TNFSF4: variants seen among roughly 807,000 people sequenced by gnomAD.
TNFSF4 encodes the protein TNF superfamily member 4.
In TNFSF4, 4 loss-of-function variants were observed where a neutral mutation model predicts 7.3. The ratio of observed to expected loss-of-function variants is 0.55; its 90% confidence interval spans 0.27 to 1.25. The LOEUF is 1.25. Among genes scored for constraint, TNFSF4 ranks in the 50% most tolerant of loss-of-function variants. The probability of loss-of-function intolerance (pLI) is 0.12; values close to 1 mark genes in which losing one functional copy is unlikely to be tolerated. For synonymous variants in TNFSF4, 76 were observed against 83.7 expected, an observed-to-expected ratio of 0.91 and a Z score of 0.50; for missense variants, 181 against 208.8, an observed-to-expected ratio of 0.87 and a Z score of 0.82.
chr1:173,228,579 G>T, the TNFSF4 span, among the ~76,000 whole-genome samples: 1 of 152,188 alleles, frequency 6.6e-6, no homozygotes, highest in East Asian at 1.9e-4. Flanking sequence ...GCTGGACGGA[G>T]AATGACTTTG....
At chr1:173,187,374 C>G (rs1649276969) in intron 2 of TNFSF4, among the ~76,000 whole-genome samples, 1 of 152,242 alleles carries the variant, frequency 6.6e-6, no homozygotes, top group Non-Finnish European at 1.5e-5. Context: ...GCCCTGCACA[C>G]TACCCATACT....
the TNFSF4 span, among the ~76,000 whole-genome samples, chr1:173,419,915 G>C: frequency 6.6e-6 from 1 of 151,998 alleles, no homozygotes; most frequent in Admixed American, 6.5e-5. Flanking sequence ...CGGGGGGGGG[G>C]ATGAGAGGCT....
the TNFSF4 span, among the ~76,000 whole-genome samples, chr1:173,425,794 A>T: frequency 6.6e-6 from 1 of 152,256 alleles, no homozygotes; most frequent in Non-Finnish European, 1.5e-5. Context: ...CACTGTGACC[A>T]AACCATGGAC....
chr1:173,385,421 C>T, the TNFSF4 span, among the ~76,000 whole-genome samples: 2 of 152,158 alleles, frequency 1.3e-5, no homozygotes, highest in Non-Finnish European at 1.5e-5. Context: ...GCAGGTCACT[C>T]TATAGCTAAA....
the TNFSF4 span, among the ~76,000 whole-genome samples, chr1:173,236,796 A>G: frequency 7.9e-5 from 12 of 152,200 alleles, no homozygotes; most frequent in African/African-American, 2.9e-4. Context: ...TTGATCTCAC[A>G]GGAGTACAAA....
At chr1:173,319,359 T>C in the TNFSF4 span, among the ~76,000 whole-genome samples, 1 of 152,046 alleles carries the variant, frequency 6.6e-6, no homozygotes, top group Non-Finnish European at 1.5e-5. Flanking sequence ...TACAGATAAA[T>C]CTCTCATCTC....
chr1:173,375,776 G>T, the TNFSF4 span, among the ~76,000 whole-genome samples: 3 of 152,100 alleles, frequency 2.0e-5, no homozygotes, highest in Non-Finnish European at 4.4e-5. Context: ...GCCACCCCCA[G>T]CCAGCAGCAG....
the TNFSF4 span, among the ~76,000 whole-genome samples, chr1:173,229,746 A>C: frequency 7.0e-6 from 1 of 143,530 alleles, no homozygotes; most frequent in East Asian, 2.1e-4. Context: ...AGATCTACCA[A>C]GCAAATGGAA....
chr1:173,277,803 T>C, the TNFSF4 span, among the ~76,000 whole-genome samples: 1 of 152,138 alleles, frequency 6.6e-6, no homozygotes, highest in African/African-American at 2.4e-5. Context: ...TGGTTATACA[T>C]TGCTCATCAA....
At chr1:173,292,842 C>T in the TNFSF4 span, among the ~76,000 whole-genome samples, 1 of 151,958 alleles carries the variant, frequency 6.6e-6, no homozygotes, top group Non-Finnish European at 1.5e-5. Flanking sequence ...CATTTCTACT[C>T]AACAATAATG....
At chr1:173,424,638 T>A in the TNFSF4 span, among the ~76,000 whole-genome samples, 1 of 151,976 alleles carries the variant, frequency 6.6e-6, no homozygotes, top group Non-Finnish European at 1.5e-5. Flanking sequence ...GGGAACCACA[T>A]GAGAAAAGAT....
the TNFSF4 span, among the ~76,000 whole-genome samples, chr1:173,442,333 C>G: frequency 6.6e-6 from 1 of 152,020 alleles, no homozygotes; most frequent in Non-Finnish European, 1.5e-5. Flanking sequence ...TGATGGAGTT[C>G]AAGAGTATCC....
chr1:173,332,208 T>C, the TNFSF4 span, among the ~76,000 whole-genome samples: 3 of 152,202 alleles, frequency 2.0e-5, no homozygotes, highest in Non-Finnish European at 4.4e-5. Flanking sequence ...CTGATCCAGC[T>C]GCTCTCACTC....
chr1:173,187,645 C>A lies in TNFSF4; in HGVS notation c.203-780G>T, dbSNP rs1054595107. 9.2e-5 allele frequency among the ~76,000 whole-genome samples: 14 copies of A among 152,104 alleles called. 1 individual carries two copies. The highest frequency in any genetic ancestry group is 9.2e-4 in the Admixed American group (14 of 15,268). On this transcript the variant is annotated intron_variant, in intron 2 of 2. Coordinates refer to ENST00000281834, the MANE Select transcript of TNFSF4 (RefSeq NM_003326.5). ...TCTACCTCCTGTTGCTAGTTTTTCC[C>A]GGAAGGTACTTTGGGAAGAGTCACT...
At chr1:173,253,739 G>A in the TNFSF4 span, among the ~76,000 whole-genome samples, 1 of 152,196 alleles carries the variant, frequency 6.6e-6, no homozygotes, top group African/African-American at 2.4e-5. Flanking sequence ...CTCCTCTGAC[G>A]TTGTGGGGTT....
chr1:173,404,724 C>T, the TNFSF4 span, among the ~76,000 whole-genome samples: 2 of 151,680 alleles, frequency 1.3e-5, no homozygotes, highest in Non-Finnish European at 2.9e-5. Flanking sequence ...CTCTACCTCC[C>T]AGGTTCAAGC....
the TNFSF4 span, among the ~76,000 whole-genome samples, chr1:173,400,428 T>C: frequency 1.4e-4 from 21 of 152,212 alleles, no homozygotes; most frequent in Non-Finnish European, 2.6e-4. Context: ...GTTACTCCAG[T>C]TACACCAGTA....
the TNFSF4 span, among the ~76,000 whole-genome samples, chr1:173,448,108 G>A: frequency 0.021 from 3,161 of 152,214 alleles, 116 homozygotes; most frequent in African/African-American, 0.072. Flanking sequence ...CCTATTAAGA[G>A]AAGTTCCAAA....
the TNFSF4 span, among the ~76,000 whole-genome samples, chr1:173,371,997 G>A: frequency 6.6e-6 from 1 of 152,214 alleles, no homozygotes; most frequent in Non-Finnish European, 1.5e-5. Context: ...CCTTCAGTAT[G>A]TGGATTATTT....
Sources: allele counts gnomAD v4.1 joint callset (sites outside exome capture counted in the v4.1 genomes callset), GRCh38; gene constraint gnomAD v4.1.1; transcripts MANE v1.5; gene names NCBI Gene and HGNC (gene_info 2026-07-23, HGNC 2026-07-21).